The following SRRM3 variants were observed in gnomAD, a reference collection of about 807,000 sequenced individuals.
SRRM3 encodes serine/arginine repetitive matrix protein 3.
A neutral mutation model predicts 66.2 loss-of-function variants in SRRM3; 27 were observed. The ratio of observed to expected loss-of-function variants is 0.41; its 90% confidence interval spans 0.30 to 0.56. The LOEUF is 0.56. Ranked by LOEUF, SRRM3 falls within the 20% of genes least tolerant of loss-of-function variation. The probability of loss-of-function intolerance (pLI) is 0.32; values close to 1 mark genes in which losing one functional copy is unlikely to be tolerated. For synonymous variants in SRRM3, 391 were observed against 414.9 expected, an observed-to-expected ratio of 0.94 and a Z score of 0.70; for missense variants, 918 against 991.9, an observed-to-expected ratio of 0.93 and a Z score of 1.00.
At position 76,267,417 on chromosome 7, in the gene SRRM3, G is replaced by C. The variant is rs1802096676; in HGVS notation, c.990G>C (p.Ser330=). The change falls in exon 11 of 15, where the codon TCG becomes TCC. Residue 330 remains serine, a synonymous_variant. Transcript: ENST00000611745. The part of the protein sequence containing the change: ...RSGAHGGRPG[S]AHSPPDKPSS... ...GAGCGCACGGGGGCCGCCCCGGCTCGGCGCACAGCCCGCCCGATGTACGTA... is the reference window on the plus strand; with the variant it reads ...GAGCGCACGGGGGCCGCCCCGGCTCCGCGCACAGCCCGCCCGATGTACGTA... The C allele has an allele frequency of 7.3e-7, 1 of 1,378,424 alleles. No individual in the cohort carries two copies. The highest frequency in any genetic ancestry group is 9.3e-7 in the Non-Finnish European group (1 of 1,071,714). 85.4% of individuals were successfully genotyped at this position (1,378,424 alleles called of 1,614,324 possible). A position where few individuals can be genotyped will look rare whatever the true frequency, so the allele number is the denominator to read the frequency against.
At position 76,259,921 on chromosome 7, in the gene SRRM3, G is replaced by C; in HGVS notation, c.351G>C (p.Pro117=). 1 of 1,601,774 alleles carries C rather than the reference G, an allele frequency of 6.2e-7. No homozygotes were observed. Among genetic ancestry groups the C allele is most frequent in the South Asian group, 1.1e-5 (1 of 91,010 alleles). The part of the protein sequence containing the change: ...RPGGHIVAET[P]RLTEGAEPGL... ...TCGCCGGCAGTGTGGCGGAGACCCC[G>C]CGGCTGACCGAGGGCGCTGAGCCGG... The change falls in exon 4 of 15, where the codon CCG becomes CCC. Residue 117 remains proline, a synonymous_variant. Coordinates refer to ENST00000611745, the MANE Select transcript of SRRM3 (RefSeq NM_001110199.3).
intron 9 of SRRM3, among the ~76,000 whole-genome samples, chr7:76,265,137 G>A (rs1167997441): frequency 6.6e-6 from 1 of 152,104 alleles, no homozygotes. Flanking sequence ...TAGAGAAAAG[G>A]GGGCCTTTTA....
chr7:76,283,248 G>T, intron 14 of SRRM3, 147 bp downstream of exon 14: 3 of 982,622 alleles, frequency 3.1e-6, no homozygotes, highest in Non-Finnish European at 2.8e-6. Context: ...CAATGAGTGG[G>T]TTCTGCCAGG....
chr7:76,237,128 C>T (rs942080024), intron 2 of SRRM3, among the ~76,000 whole-genome samples: 1 of 152,100 alleles, frequency 6.6e-6, no homozygotes, highest in Non-Finnish European at 1.5e-5. Context: ...ATTTAAAAGG[C>T]CAGGTGCGGT....
chr7:76,259,881 T>G (rs1239197593), intron 3 of SRRM3, 25 bp from the exon 4 acceptor site: 17 of 1,599,538 alleles, frequency 1.1e-5, no homozygotes, highest in Non-Finnish European at 1.2e-5. Context: ...CCGAGACTGG[T>G]GGTGAGCGTC....
In SRRM3 at chr7:76,235,097, A is replaced by G. The variant is rs1347240036; in HGVS notation, c.31A>G (p.Ser11Gly). 3 of 1,586,244 alleles carry G rather than the reference A, an allele frequency of 1.9e-6. No individual in the cohort carries two copies. Among genetic ancestry groups the G allele is most frequent in the Non-Finnish European group, 2.6e-6 (3 of 1,171,368 alleles). Residue 11 changes from serine to glycine, a missense_variant, in exon 2 of 15, where the codon AGC (serine) becomes GGC (glycine). Transcript: ENST00000611745. MSSTVNNGAA[S>G]MQSTPDAANG... ...CTCCACCGTGAACAACGGGGCGGCCAGCATGCAGTCCACACCCGACGCCGC... is the reference window on the plus strand; with the variant it reads ...CTCCACCGTGAACAACGGGGCGGCCGGCATGCAGTCCACACCCGACGCCGC...
At chr7:76,277,232 G>A (rs530374339) in intron 11 of SRRM3, among the ~76,000 whole-genome samples, 4 of 152,292 alleles carry the variant, frequency 2.6e-5, no homozygotes, top group Admixed American at 2.6e-4. Flanking sequence ...GGACCATGAT[G>A]GGGGTGAACA....
At chr7:76,231,893 G>A (rs55908065) in intron 1 of SRRM3, among the ~76,000 whole-genome samples, 5,286 of 152,222 alleles carry the variant, frequency 0.035, 143 homozygotes, top group Non-Finnish European at 0.052. Flanking sequence ...GGACTCCAGC[G>A]GAGGGGAAAC....
chr7:76,233,944 C>T (rs908684113), intron 1 of SRRM3, among the ~76,000 whole-genome samples: 2 of 152,056 alleles, frequency 1.3e-5, no homozygotes, highest in East Asian at 3.9e-4. Context: ...CTCCCACCCC[C>T]ATCCCATCAC....
In SRRM3 at chr7:76,285,950, A is replaced by G; in HGVS notation, c.*107A>G. 1 of 1,269,202 alleles carries G rather than the reference A, an allele frequency of 7.9e-7. No individual in the cohort carries two copies. Among genetic ancestry groups the G allele is most frequent in the Non-Finnish European group, 1.1e-6 (1 of 929,374 alleles). The allele number at this position is 1,269,202 out of a possible 1,614,324, so 78.6% of individuals were successfully genotyped here. A position where few individuals can be genotyped will look rare whatever the true frequency, so the allele number is the denominator to read the frequency against. On this transcript the variant is annotated 3_prime_UTR_variant, in exon 15 of 15. Coordinates refer to ENST00000611745, the MANE Select transcript of SRRM3 (RefSeq NM_001110199.3). The surrounding 1 kb of genome is among the most constrained non-coding windows in gnomAD (Gnocchi z 4.1). ...TATATCTCCTTGCCCCCAAGGCTAC[A>G]AAGAGGTCTCAGGGCCAGTGCACGG...
At chr7:76,216,726 G>T (rs1800579382) in intron 1 of SRRM3, among the ~76,000 whole-genome samples, 1 of 152,174 alleles carries the variant, frequency 6.6e-6, no homozygotes, top group Non-Finnish European at 1.5e-5. Context: ...CTTGGGAGGG[G>T]ATGACATGGA....
chr7:76,270,253 GGGAGCAGGACAGGCTGTTCA>G (rs1266791110), intron 11 of SRRM3, among the ~76,000 whole-genome samples: 3 of 152,220 alleles, frequency 2.0e-5, no homozygotes, highest in Non-Finnish European at 4.4e-5. Flanking sequence ...ACAGGGGACA[GGGAGCAGGACAGGCTGTTCA>G]GGACCATCAG....
At chr7:76,223,740 A>G (rs1800779894) in intron 1 of SRRM3, among the ~76,000 whole-genome samples, 2 of 152,042 alleles carry the variant, frequency 1.3e-5, no homozygotes, top group South Asian at 2.1e-4. Context: ...ACAGGAATGC[A>G]GTTTCCTGGA....
Position 76,285,645 on chromosome 7 carries a change from G to A in SRRM3, c.1764G>A (p.Arg588=), listed in dbSNP as rs1554612659. The A allele has an allele frequency of 6.4e-7, 1 of 1,550,908 alleles. No homozygotes were observed. Residue 588 remains arginine (R), a synonymous_variant, in exon 15 of 15, where the codon CGG becomes CGA. Coordinates refer to ENST00000611745, the MANE Select transcript of SRRM3 (RefSeq NM_001110199.3). The surrounding 1 kb of genome is among the most constrained non-coding windows in gnomAD (Gnocchi z 4.1). The part of the protein sequence containing the change: ...SARKRPIPYY[R]PSPSSSSSCL... ...GCAAGCGTCCTATTCCATACTACCG[G>A]CCCAGCCCCTCTTCCTCCTCCAGCT...
rs545163251 is a variant in SRRM3 at position 76,246,551 on chromosome 7, G to A, written c.234-1637G>A. 1.7e-4 allele frequency among the ~76,000 whole-genome samples: 26 copies of A among 152,086 alleles called. No individual in the cohort carries two copies. The East Asian group carries it at 3.1e-3, about 18-fold the overall frequency. On this transcript the variant is annotated intron_variant, in intron 2 of 14. Transcript: ENST00000611745. ...TGCACTCCAGGCCAGGCGACAGAAC[G>A]AAACTCCGTCTCAAAAAATAAAAAT...
chr7:76,259,192 G>C (rs1204004570), intron 3 of SRRM3, among the ~76,000 whole-genome samples: 2 of 151,876 alleles, frequency 1.3e-5, no homozygotes, highest in East Asian at 3.9e-4. Flanking sequence ...GGATCAAATG[G>C]GGGGTTCACT....
chr7:76,241,025 G>T (rs1279603466), intron 2 of SRRM3, among the ~76,000 whole-genome samples: 1 of 152,136 alleles, frequency 6.6e-6, no homozygotes, highest in African/African-American at 2.4e-5. Flanking sequence ...AGCCTGCCAA[G>T]TAGCTGGGAT....
chr7:76,241,552 G>A (rs1801296244), intron 2 of SRRM3, among the ~76,000 whole-genome samples: 1 of 152,166 alleles, frequency 6.6e-6, no homozygotes, highest in Admixed American at 6.5e-5. Context: ...TGCCCAGGCT[G>A]GAGTGCAATG....
intron 1 of SRRM3, among the ~76,000 whole-genome samples, chr7:76,222,269 G>T (rs1800742961): frequency 6.6e-6 from 1 of 152,100 alleles, no homozygotes; most frequent in African/African-American, 2.4e-5. Context: ...AGCTGGACAT[G>T]GTTGTATGCA....
Sources: allele counts gnomAD v4.1 joint callset (sites outside exome capture counted in the v4.1 genomes callset), GRCh38; gene constraint gnomAD v4.1.1; non-coding constraint Gnocchi (gnomAD v3.1); transcripts MANE v1.5; gene names NCBI Gene and HGNC (gene_info 2026-07-23, HGNC 2026-07-21).